The following SLC4A4 variants were observed in gnomAD, a reference collection of about 807,000 sequenced individuals.
The protein encoded by SLC4A4 is electrogenic sodium bicarbonate cotransporter 1.
Under a neutral mutation model 111.5 loss-of-function variants are expected in SLC4A4, and 27 were observed. The observed-to-expected ratio is 0.24, with a 90% CI of 0.18 to 0.33. SLC4A4 has a LOEUF of 0.33. Ranked by LOEUF, SLC4A4 falls within the 10% of genes least tolerant of loss-of-function variation. The pLI is 1.00. For synonymous variants in SLC4A4, 443 were observed against 463.4 expected, an observed-to-expected ratio of 0.96 and a Z score of 0.57; for missense variants, 909 against 1,315.5, an observed-to-expected ratio of 0.69 and a Z score of 4.78.
intron 3 of SLC4A4, among the ~76,000 whole-genome samples, chr4:71,335,249 T>C (rs1436344351): frequency 6.6e-6 from 1 of 152,186 alleles, no homozygotes; most frequent in Non-Finnish European, 1.5e-5. Context: ...CTAGTTCTGA[T>C]TTAGGGATCT....
intron 1 of SLC4A4, among the ~76,000 whole-genome samples, chr4:71,077,114 G>A (rs1345453112): frequency 1.3e-5 from 2 of 148,164 alleles, no homozygotes; most frequent in Admixed American, 1.3e-4. Context: ...ATGTAAGGAG[G>A]TTATGTTTGA....
intron 6 of SLC4A4, among the ~76,000 whole-genome samples, chr4:71,359,497 T>C (rs920341496): frequency 1.3e-5 from 2 of 152,182 alleles, no homozygotes; most frequent in Non-Finnish European, 2.9e-5. Context: ...TTCTTATAAA[T>C]CATCAAATGG....
intron 2 of SLC4A4, among the ~76,000 whole-genome samples, chr4:71,113,907 A>G (rs1743170441): frequency 6.6e-6 from 1 of 152,222 alleles, no homozygotes; most frequent in Non-Finnish European, 1.5e-5. Flanking sequence ...AAACAAAGTA[A>G]TTAGTAGTTA....
Position 71,495,612 on chromosome 4 carries a change from TA to T in SLC4A4, c.1975-1882del, listed in dbSNP as rs535194943. Among the ~76,000 whole-genome samples, 226 of 152,148 alleles carry T rather than the reference TA, an allele frequency of 1.5e-3. 1 individual carries two copies. The highest frequency in any genetic ancestry group is 4.9e-3 in the African/African-American group (205 of 41,530). On this transcript the variant is annotated intron_variant, in intron 15 of 25. Coordinates refer to ENST00000264485, the MANE Select transcript of SLC4A4 (RefSeq NM_001098484.3). ...TAAGCACTTTACCTTTTGAGCTCTA[TA>T]AAAAAATGAACTCTTTCTGGGAAGA...
chr4:71,279,108 T>C (rs186535863), intron 3 of SLC4A4, among the ~76,000 whole-genome samples: 1 of 152,332 alleles, frequency 6.6e-6, no homozygotes, highest in African/African-American at 2.4e-5. Context: ...TCTATTCTTT[T>C]AGGAATTTTC....
intron 2 of SLC4A4, among the ~76,000 whole-genome samples, chr4:71,155,000 G>C (rs1044666483): frequency 3.3e-5 from 5 of 152,248 alleles, no homozygotes; most frequent in African/African-American, 9.6e-5. Context: ...CAAACTGTGA[G>C]TTGCAACCCA....
intron 21 of SLC4A4, among the ~76,000 whole-genome samples, chr4:71,556,772 G>T (rs1736507898): frequency 6.6e-6 from 1 of 151,904 alleles, no homozygotes; most frequent in African/African-American, 2.4e-5. Flanking sequence ...GAGGGAAAAA[G>T]AAAACCCTTT....
chr4:71,440,864 T>G (rs1210175779), intron 8 of SLC4A4, 91 bp downstream of exon 8: 5 of 1,424,718 alleles, frequency 3.5e-6, no homozygotes, highest in South Asian at 1.2e-5. Context: ...GAGGAAATAT[T>G]TAGTGCAAAC....
chr4:71,426,080 C>G (rs1397890690), intron 7 of SLC4A4, among the ~76,000 whole-genome samples: 1 of 151,864 alleles, frequency 6.6e-6, no homozygotes, highest in African/African-American at 2.4e-5. Context: ...CTTCTATGTG[C>G]CATATGATGC....
At chr4:71,334,614 C>T (rs139350118) in intron 3 of SLC4A4, among the ~76,000 whole-genome samples, 55 of 152,236 alleles carry the variant, frequency 3.6e-4, no homozygotes, top group African/African-American at 1.1e-3. Flanking sequence ...TTATGACACA[C>T]GATTTTGGAA....
intron 3 of SLC4A4, among the ~76,000 whole-genome samples, chr4:71,334,708 G>A (rs544309150): frequency 6.6e-6 from 1 of 152,280 alleles, no homozygotes; most frequent in African/African-American, 2.4e-5. Flanking sequence ...GGTTAGGCAT[G>A]GTACCTAGAG....
At chr4:71,255,103 T>C in intron 2 of SLC4A4, 117 bp from the exon 3 acceptor site, 1 of 1,029,812 alleles carries the variant, frequency 9.7e-7, no homozygotes, top group Admixed American at 1.8e-5. Flanking sequence ...GTTTGCCAAA[T>C]ATAGAATGGT....
intron 1 of SLC4A4, among the ~76,000 whole-genome samples, chr4:71,071,966 A>G (rs1285274186): frequency 1.3e-5 from 2 of 152,188 alleles, no homozygotes; most frequent in Non-Finnish European, 2.9e-5. Flanking sequence ...ATAGTGCCAA[A>G]TCACTCTCAA....
At chr4:71,334,399 G>A (rs1443513840) in intron 3 of SLC4A4, among the ~76,000 whole-genome samples, 1 of 151,990 alleles carries the variant, frequency 6.6e-6, no homozygotes, top group Non-Finnish European at 1.5e-5. Context: ...GGAAGACAAA[G>A]TCCTCTTTAC....
chr4:71,311,225 ACT>A (rs1419617068), intron 3 of SLC4A4, among the ~76,000 whole-genome samples: 9 of 152,238 alleles, frequency 5.9e-5, no homozygotes, highest in African/African-American at 2.2e-4. Flanking sequence ...AGAGACTTAG[ACT>A]CCCACACAGT....
chr4:71,117,916 G>A (rs1743315757), intron 2 of SLC4A4, among the ~76,000 whole-genome samples: 1 of 124,882 alleles, frequency 8.0e-6, no homozygotes, highest in African/African-American at 3.3e-5. Flanking sequence ...CACTCTTGTT[G>A]CCCAGGCTGG....
At chr4:71,530,128 G>A (rs1560591209) in intron 16 of SLC4A4, among the ~76,000 whole-genome samples, 1 of 152,080 alleles carries the variant, frequency 6.6e-6, no homozygotes, top group South Asian at 2.1e-4. Context: ...GCAGTTCCAT[G>A]TCATTAATGG....
At chr4:71,395,882 A>G (rs978152184) in intron 6 of SLC4A4, among the ~76,000 whole-genome samples, 12 of 152,230 alleles carry the variant, frequency 7.9e-5, no homozygotes, top group Admixed American at 2.6e-4. Context: ...TAGGATTGCT[A>G]AGGCTTCATT....
intron 7 of SLC4A4, chr4:71,437,346 A>C (rs528783791): frequency 2.9e-6 from 1 of 347,036 alleles, no homozygotes; most frequent in African/African-American, 2.1e-5. Flanking sequence ...TCCAGAATAC[A>C]TAAGTTACAA....
Sources: gnomAD v4.1 joint callset for allele counts (sites outside exome capture counted in the v4.1 genomes callset) on GRCh38, gnomAD v4.1.1 for gene constraint, MANE v1.5 for transcripts, NCBI Gene and HGNC (gene_info 2026-07-23, HGNC 2026-07-21) for gene names.